SPRY4: variants seen among roughly 807,000 people sequenced by gnomAD.
The protein encoded by SPRY4 is sprouty RTK signaling antagonist 4, also known as protein sprouty homolog 4.
SPRY4 carries 7 observed loss-of-function variants against 17.0 expected under a neutral mutation model. The observed-to-expected ratio is 0.41, with a 90% CI of 0.23 to 0.77. The LOEUF (loss-of-function observed/expected upper bound fraction) is 0.77. SPRY4 is among the 30% of genes least tolerant of loss of function. The pLI is 0.32. For synonymous variants in SPRY4, 183 were observed against 174.1 expected (o/e 1.05, Z -0.40); for missense variants, 435 against 419.9 (o/e 1.04, Z -0.31).
chr5:142,314,666 A>G lies in SPRY4; in HGVS notation c.443T>C (p.Val148Ala), dbSNP rs1217882120. Reference sequence around the variant, plus strand: ...GAAGTGCTTGTCCAGCTCGGGTGGGACCGCCGGGCCCTTGAGGTCCAGCGG... The same window carrying G: ...GAAGTGCTTGTCCAGCTCGGGTGGGGCCGCCGGGCCCTTGAGGTCCAGCGG... ...CQPLDLKGPA[V>A]PPELDKHFLL... Residue 148 changes from valine to alanine, a missense_variant, in exon 2 of 2, where the codon GTC becomes GCC. Coordinates refer to ENST00000434127, the MANE Select transcript of SPRY4 (RefSeq NM_001127496.3). The surrounding 1 kb of genome is among the most constrained non-coding windows in gnomAD (Gnocchi z 4.8). 1.2e-6 allele frequency: 2 copies of G among 1,614,106 alleles called. No individual in the cohort carries two copies. Among genetic ancestry groups the G allele is most frequent in the Middle Eastern group, 1.6e-4 (1 of 6,062 alleles).
rs555771465 is a variant in SPRY4 at position 142,322,876 on chromosome 5, C to T, written c.-48+1968G>A. On this transcript the variant is annotated intron_variant, in intron 1 of 1. Transcript: ENST00000434127. ...ACCACATTAGGATTTGCTGGAGCCTCGCAGCACGTGAGAACCCTCCCAAGA... is the reference window on the plus strand; with the variant it reads ...ACCACATTAGGATTTGCTGGAGCCTTGCAGCACGTGAGAACCCTCCCAAGA... Among the ~76,000 whole-genome samples the T allele has an allele frequency of 2.6e-5, 4 of 152,224 alleles. No individual in the cohort carries two copies. The East Asian group carries it at 7.7e-4, about 29-fold the overall frequency.
intron 1 of SPRY4, among the ~76,000 whole-genome samples, chr5:142,321,082 C>T (rs1256302559): frequency 6.6e-6 from 1 of 152,236 alleles, no homozygotes; most frequent in African/African-American, 2.4e-5. Context: ...GTCCCGGATA[C>T]ATTCCCCAGC....
In SPRY4 at chr5:142,315,094, G is replaced by A; in HGVS notation, c.15C>T (p.Ile5=). The A allele has an allele frequency of 6.2e-7, 1 of 1,611,450 alleles. No homozygotes were observed. The highest frequency in any genetic ancestry group is 2.2e-5 in the East Asian group (1 of 44,842). ...TGGGAGTCAAGGGGGCGCTCTGTGGGATCGGGGGCTCCATGGGGCTGGAGG... is the reference window on the plus strand; with the variant it reads ...TGGGAGTCAAGGGGGCGCTCTGTGGAATCGGGGGCTCCATGGGGCTGGAGG... The part of the protein sequence containing the change: MEPP[I]PQSAPLTPNS... Residue 5 remains isoleucine, a synonymous_variant, in exon 2 of 2, where the codon ATC becomes ATT. Coordinates refer to ENST00000434127, the MANE Select transcript of SPRY4 (RefSeq NM_001127496.3).
intron 1 of SPRY4, chr5:142,319,904 T>C: frequency 2.0e-6 from 2 of 1,020,110 alleles, no homozygotes; most frequent in Non-Finnish European, 2.7e-6. Flanking sequence ...AGTTGGGAAA[T>C]ATTGGGAAAA....
chr5:142,314,745 C>T lies in SPRY4; in HGVS notation c.364G>A (p.Asp122Asn). 1 of 1,606,822 alleles carries T rather than the reference C, an allele frequency of 6.2e-7. No individual in the cohort carries two copies. Among genetic ancestry groups the T allele is most frequent in the South Asian group, 1.1e-5 (1 of 90,860 alleles). The change falls in exon 2 of 2, where the codon GAC becomes AAC. Residue 122 changes from aspartate (D) to asparagine (N), a missense_variant. Transcript: ENST00000434127. This position sits in a 1 kb window ranked among gnomAD's most constrained non-coding sequence, Gnocchi z 4.8. Reference protein sequence around the residue: ...LDHMAPPPVADQASPRAVRIQ... With the variant: ...LDHMAPPPVANQASPRAVRIQ... Reference sequence around the variant, plus strand: ...CGCACAGCCCTTGGTGAGGCCTGGTCAGCCACGGGTGGTGGTGCCATGTGG... The same window carrying T: ...CGCACAGCCCTTGGTGAGGCCTGGTTAGCCACGGGTGGTGGTGCCATGTGG...
intron 1 of SPRY4, chr5:142,317,027 T>C (rs1312769851): frequency 7.1e-6 from 7 of 985,348 alleles, no homozygotes; most frequent in Admixed American, 6.1e-5. Flanking sequence ...TAGCATCACC[T>C]TTGAATTGGC....
chr5:142,312,654 A>T lies in SPRY4; in HGVS notation c.*1555T>A, dbSNP rs938747308. ...CTGACTCAGGCCATGCCCTCTCATT[A>T]GAGGGGAAAACAAAATACCACACAA... On this transcript the variant is annotated 3_prime_UTR_variant, in exon 2 of 2. Coordinates refer to ENST00000434127, the MANE Select transcript of SPRY4 (RefSeq NM_001127496.3). The T allele has an allele frequency of 1.3e-5, 2 of 152,208 alleles. No homozygotes were observed. Among genetic ancestry groups the T allele is most frequent in the East Asian group, 3.9e-4 (2 of 5,188 alleles). 9.4% of individuals were successfully genotyped at this position (152,208 alleles called of 1,614,324 possible).
chr5:142,311,951 T>TGTGTGTGTGTGTGC lies in SPRY4; in HGVS notation c.*2257_*2258insGCACACACACACAC, dbSNP rs1758933554. ...TGGGGTAGGGGTGTGTGTGTGTGTG[T>TGTGTGTGTGTGTGC]GTGTGTGTGTATACACAGCTTATGT... On this transcript the variant is annotated 3_prime_UTR_variant, in exon 2 of 2. Transcript: ENST00000434127. The TGTGTGTGTGTGTGC allele has an allele frequency of 2.0e-5, 3 of 152,346 alleles. No homozygotes were observed. Among genetic ancestry groups the TGTGTGTGTGTGTGC allele is most frequent in the Admixed American group, 6.6e-5 (1 of 15,200 alleles). 9.4% of individuals were successfully genotyped at this position (152,346 alleles called of 1,614,324 possible).
At position 142,313,050 on chromosome 5, in the gene SPRY4, A is replaced by G. The variant is rs1367426851; in HGVS notation, c.*1159T>C. The G allele has an allele frequency of 6.6e-6, 1 of 152,646 alleles. No homozygotes were observed. Among genetic ancestry groups the G allele is most frequent in the Non-Finnish European group, 1.5e-5 (1 of 68,058 alleles). 9.5% of individuals were successfully genotyped at this position (152,646 alleles called of 1,614,324 possible). On this transcript the variant is annotated 3_prime_UTR_variant, in exon 2 of 2. Transcript: ENST00000434127. ...GGCTATGACAGTGAGCAGCAGAATCAGAAGAGAAGAAACCCAAACCCAGCC... is the reference window on the plus strand; with the variant it reads ...GGCTATGACAGTGAGCAGCAGAATCGGAAGAGAAGAAACCCAAACCCAGCC...
intron 1 of SPRY4, among the ~76,000 whole-genome samples, chr5:142,322,124 G>C (rs1759361825): frequency 6.6e-6 from 1 of 152,214 alleles, no homozygotes; most frequent in Admixed American, 6.5e-5. Context: ...GGTGCGAACT[G>C]GGCAGGACAG....
At chr5:142,315,924 G>A (rs1213216324) in intron 1 of SPRY4, 1 of 152,184 alleles carries the variant, frequency 6.6e-6, no homozygotes, top group Non-Finnish European at 1.5e-5. Context: ...CTCCCATGGA[G>A]TTTATCAGCT....
At chr5:142,319,867 C>G in intron 1 of SPRY4, 3 of 1,415,112 alleles carry the variant, frequency 2.1e-6, no homozygotes, top group Non-Finnish European at 2.9e-6. Flanking sequence ...CACCCACACC[C>G]TCCCCTTGAC....
At position 142,312,928 on chromosome 5, in the gene SPRY4, C is replaced by G. The variant is rs1451937909; in HGVS notation, c.*1281G>C. On this transcript the variant is annotated 3_prime_UTR_variant, in exon 2 of 2. Transcript: ENST00000434127. ...TCTCCCCAGCTCTTCCAAGCTCTTC[C>G]GACTCCCCTGCTGGGGCTTCCTAAC... The G allele has an allele frequency of 2.6e-5, 4 of 152,558 alleles. No homozygotes were observed. The South Asian group carries it at 8.3e-4, about 32-fold the overall frequency. The allele number at this position is 152,558 out of a possible 1,614,324, so 9.5% of individuals were successfully genotyped here. A position where few individuals can be genotyped will look rare whatever the true frequency, so the allele number is the denominator to read the frequency against.
chr5:142,314,668 C>A lies in SPRY4; in HGVS notation c.441G>T (p.Ala147=). Residue 147 remains alanine (A), a synonymous_variant, in exon 2 of 2, where the codon GCG becomes GCT. Coordinates refer to ENST00000434127, the MANE Select transcript of SPRY4 (RefSeq NM_001127496.3). This position sits in a 1 kb window ranked among gnomAD's most constrained non-coding sequence, Gnocchi z 4.8. ...HCQPLDLKGP[A]VPPELDKHFL... ...AGTGCTTGTCCAGCTCGGGTGGGAC[C>A]GCCGGGCCCTTGAGGTCCAGCGGCT... The A allele has an allele frequency of 6.2e-7, 1 of 1,614,210 alleles. No homozygotes were observed. Among genetic ancestry groups the A allele is most frequent in the South Asian group, 1.1e-5 (1 of 91,092 alleles).
At chr5:142,322,428 G>A (rs1468248815) in intron 1 of SPRY4, among the ~76,000 whole-genome samples, 2 of 149,326 alleles carry the variant, frequency 1.3e-5, no homozygotes, top group East Asian at 4.0e-4. Flanking sequence ...CCAAGATCGC[G>A]CAACTGCACT....
At chr5:142,319,697 G>C in intron 1 of SPRY4, 1 of 1,598,660 alleles carries the variant, frequency 6.3e-7, no homozygotes, top group East Asian at 2.2e-5. Context: ...TGCTTGGCGG[G>C]TCTGGGAGCC....
rs1479387307 is a variant in SPRY4, at chr5:142,324,952, A to AGGCTCCCTGCGCTCCACAGCGCC, written c.-179_-157dup. 2 of 152,708 alleles carry AGGCTCCCTGCGCTCCACAGCGCC rather than the reference A, an allele frequency of 1.3e-5. No homozygotes were observed. The highest frequency in any genetic ancestry group is 1.9e-4 in the East Asian group (1 of 5,184). The allele number at this position is 152,708 out of a possible 1,614,324, so 9.5% of individuals were successfully genotyped here. On this transcript the variant is annotated 5_prime_UTR_variant, in exon 1 of 2. Coordinates refer to ENST00000434127, the MANE Select transcript of SPRY4 (RefSeq NM_001127496.3). The stretch of plus-strand genomic sequence containing the variant: ...CAGACGCCGGTCGGAGGAACCGGCA[A>AGGCTCCCTGCGCTCCACAGCGCC]GGCTCCCTGCGCTCCACAGCGCCAG...
At position 142,313,898 on chromosome 5, in the gene SPRY4, T is replaced by C. The variant is rs1033105194; in HGVS notation, c.*311A>G. 2 of 281,808 alleles carry C rather than the reference T, an allele frequency of 7.1e-6. No individual in the cohort carries two copies. The highest frequency in any genetic ancestry group is 6.1e-5 in the East Asian group (1 of 16,386). 17.5% of individuals were successfully genotyped at this position (281,808 alleles called of 1,614,324 possible). A position where few individuals can be genotyped will look rare whatever the true frequency, so the allele number is the denominator to read the frequency against. On this transcript the variant is annotated 3_prime_UTR_variant, in exon 2 of 2. Transcript: ENST00000434127. ...TTCAAGCAGCTGCAGTTTCCGGATA[T>C]GTGTCCACATCTGTGTTCTGTCTTC...
At chr5:142,322,203 G>A (rs1349105835) in intron 1 of SPRY4, among the ~76,000 whole-genome samples, 3 of 152,162 alleles carry the variant, frequency 2.0e-5, no homozygotes, top group African/African-American at 7.2e-5. Context: ...ATGAGGCCGG[G>A]CGTGGTGGCT....
Sources: gnomAD v4.1 joint callset for allele counts (sites outside exome capture counted in the v4.1 genomes callset) on GRCh38, gnomAD v4.1.1 for gene constraint, Gnocchi (gnomAD v3.1) non-coding constraint, MANE v1.5 for transcripts, NCBI Gene and HGNC (gene_info 2026-07-23, HGNC 2026-07-21) for gene names.